ARHGAP15: variants seen among roughly 807,000 people sequenced by gnomAD.
ARHGAP15 encodes the protein rho GTPase-activating protein 15.
Under a neutral mutation model 63.7 loss-of-function variants are expected in ARHGAP15, and 51 were observed. The ratio of observed to expected loss-of-function variants is 0.80; its 90% confidence interval spans 0.64 to 1.01. ARHGAP15 has a LOEUF of 1.01. Among genes scored for constraint, ARHGAP15 ranks in the 50% least tolerant of loss-of-function variants. The probability of loss-of-function intolerance (pLI) is 0.00; values close to 1 mark genes in which losing one functional copy is unlikely to be tolerated. For synonymous variants in ARHGAP15, 191 were observed against 193.8 expected (o/e 0.99, Z 0.12); for missense variants, 560 against 564.6 (o/e 0.99, Z 0.08).
At chr2:143,376,847 A>T (rs1686832577) in intron 6 of ARHGAP15, among the ~76,000 whole-genome samples, 1 of 152,104 alleles carries the variant, frequency 6.6e-6, no homozygotes, top group South Asian at 2.1e-4. Flanking sequence ...ATTTAATTTC[A>T]CAAAACATAC....
intron 5 of ARHGAP15, among the ~76,000 whole-genome samples, chr2:143,244,029 A>C (rs1693958198): frequency 6.6e-6 from 1 of 152,228 alleles, no homozygotes; most frequent in African/African-American, 2.4e-5. Flanking sequence ...AGTTGGTATA[A>C]AATGGAAATA....
chr2:143,187,399 T>C (rs971792338), intron 2 of ARHGAP15, among the ~76,000 whole-genome samples: 31 of 152,174 alleles, frequency 2.0e-4, no homozygotes, highest in African/African-American at 6.5e-4. Flanking sequence ...CAGAAGGGTA[T>C]GGCCTCTACT....
chr2:143,363,527 C>T (rs567385951), intron 6 of ARHGAP15, among the ~76,000 whole-genome samples: 1 of 152,240 alleles, frequency 6.6e-6, no homozygotes, highest in East Asian at 1.9e-4. Context: ...AAATAGAACA[C>T]TCTTGCTACT....
chr2:143,539,307 T>C (rs1376017016), intron 10 of ARHGAP15, among the ~76,000 whole-genome samples: 2 of 151,830 alleles, frequency 1.3e-5, no homozygotes, highest in African/African-American at 2.4e-5. Context: ...TCTATCAGTT[T>C]TGTTGATCTT....
intron 6 of ARHGAP15, among the ~76,000 whole-genome samples, chr2:143,293,859 G>C (rs1254011810): frequency 6.6e-6 from 1 of 151,924 alleles, no homozygotes; most frequent in Admixed American, 6.6e-5. Context: ...AAACTCAAAG[G>C]TAAAATCTCT....
chr2:143,500,257 T>G (rs61019880), intron 9 of ARHGAP15, among the ~76,000 whole-genome samples: 1 of 145,490 alleles, frequency 6.9e-6, no homozygotes, highest in Non-Finnish European at 1.5e-5. Flanking sequence ...TTATATATAC[T>G]TTTTTAATAT....
intron 2 of ARHGAP15, among the ~76,000 whole-genome samples, chr2:143,156,248 A>C (rs138079151): frequency 6.6e-6 from 1 of 151,922 alleles, no homozygotes; most frequent in East Asian, 2.0e-4. Context: ...TCTACTGCCA[A>C]TTGTGTCGCT....
intron 1 of ARHGAP15, among the ~76,000 whole-genome samples, chr2:143,139,870 T>A (rs1169054053): frequency 6.6e-6 from 1 of 152,168 alleles, no homozygotes; most frequent in Non-Finnish European, 1.5e-5. Flanking sequence ...ACTTGCTAGA[T>A]CCTGTATGAT....
intron 8 of ARHGAP15, among the ~76,000 whole-genome samples, chr2:143,475,328 T>C (rs892584692): frequency 3.3e-5 from 5 of 152,228 alleles, no homozygotes; most frequent in African/African-American, 1.2e-4. Context: ...CGACATACTG[T>C]GTCCTCAGAT....
intron 6 of ARHGAP15, among the ~76,000 whole-genome samples, chr2:143,414,435 A>G (rs1180648836): frequency 6.6e-6 from 1 of 152,098 alleles, no homozygotes; most frequent in African/African-American, 2.4e-5. Context: ...TAACTCAGAA[A>G]ACATAGATAA....
chr2:143,574,079 A>T (rs913237791), intron 11 of ARHGAP15, among the ~76,000 whole-genome samples: 2 of 152,170 alleles, frequency 1.3e-5, no homozygotes, highest in African/African-American at 4.8e-5. Context: ...TGTATCTGAA[A>T]ATAGTGGTAC....
At position 143,209,997 on chromosome 2, in the gene ARHGAP15, T is replaced by C. The variant is rs1402238149; in HGVS notation, c.235-6387T>C. Among the ~76,000 whole-genome samples, 2 of 152,150 alleles carry C rather than the reference T, an allele frequency of 1.3e-5. 1 individual carries two copies. The highest frequency in any genetic ancestry group is 3.8e-4 in the East Asian group (2 of 5,198). On this transcript the variant is annotated intron_variant, in intron 3 of 13. Transcript: ENST00000295095. ...ACAGCAACAATAAAGGCTATTAATATTGAGCAATCCTTTCTTCCCCACTGC... is the reference window on the plus strand; with the variant it reads ...ACAGCAACAATAAAGGCTATTAATACTGAGCAATCCTTTCTTCCCCACTGC...
intron 6 of ARHGAP15, among the ~76,000 whole-genome samples, chr2:143,299,559 T>C (rs1682803438): frequency 6.6e-6 from 1 of 152,022 alleles, no homozygotes; most frequent in Non-Finnish European, 1.5e-5. Context: ...CCCCTTATTA[T>C]ATGAAGTTTC....
intron 12 of ARHGAP15, among the ~76,000 whole-genome samples, chr2:143,694,199 A>G (rs1683740886): frequency 6.6e-6 from 1 of 152,158 alleles, no homozygotes; most frequent in Non-Finnish European, 1.5e-5. Context: ...TATAAAAAGA[A>G]AGGGGTGGGG....
At chr2:143,424,748 G>C (rs1028498795) in intron 6 of ARHGAP15, among the ~76,000 whole-genome samples, 9 of 152,092 alleles carry the variant, frequency 5.9e-5, no homozygotes, top group African/African-American at 2.2e-4. Context: ...GTCCCATCTT[G>C]AATCCTTATG....
chr2:143,556,703 A>G (rs1322455855), intron 11 of ARHGAP15, among the ~76,000 whole-genome samples: 1 of 152,104 alleles, frequency 6.6e-6, no homozygotes, highest in Non-Finnish European at 1.5e-5. Context: ...TCTATGTGAA[A>G]TAAATAATGA....
At chr2:143,742,785 T>C (rs978216143) in intron 13 of ARHGAP15, among the ~76,000 whole-genome samples, 2 of 152,168 alleles carry the variant, frequency 1.3e-5, no homozygotes, top group African/African-American at 4.8e-5. Flanking sequence ...GTGATAATAA[T>C]TGAAAACATC....
At chr2:143,639,615 G>A (rs537341628) in intron 12 of ARHGAP15, among the ~76,000 whole-genome samples, 4 of 152,034 alleles carry the variant, frequency 2.6e-5, no homozygotes, top group Non-Finnish European at 5.9e-5. Context: ...AAGGCACTAT[G>A]TCCTTATTAC....
At chr2:143,379,056 G>A (rs1370972870) in intron 6 of ARHGAP15, among the ~76,000 whole-genome samples, 3 of 151,784 alleles carry the variant, frequency 2.0e-5, no homozygotes, top group African/African-American at 7.3e-5. Flanking sequence ...TCAAAAATTT[G>A]CAAGTTAAGC....
Sources: allele counts gnomAD v4.1 joint callset (sites outside exome capture counted in the v4.1 genomes callset), GRCh38; gene constraint gnomAD v4.1.1; transcripts MANE v1.5; gene names NCBI Gene and HGNC (gene_info 2026-07-23, HGNC 2026-07-21).